The following MTMR7 variants were observed in gnomAD, a reference collection of about 807,000 sequenced individuals.
MTMR7 encodes myotubularin related protein 7.
MTMR7 carries 76 observed loss-of-function variants against 81.2 expected under a neutral mutation model. The ratio of observed to expected loss-of-function variants is 0.94; its 90% confidence interval spans 0.78 to 1.13. The LOEUF is 1.13. MTMR7 is among the 50% of genes most tolerant of loss of function. The probability of loss-of-function intolerance (pLI) is 0.00; values close to 1 mark genes in which losing one functional copy is unlikely to be tolerated. For missense variants in MTMR7, 1,044 were observed against 820.0 expected (o/e 1.27, Z -3.34); for synonymous variants, 372 against 289.8 (o/e 1.28, Z -2.88).
chr8:17,341,312 C>A (rs781590858), intron 6 of MTMR7, 51 bp downstream of exon 6: 1 of 1,605,958 alleles, frequency 6.2e-7, no homozygotes, highest in Admixed American at 1.7e-5. Flanking sequence ...TTGCCTGTCT[C>A]CAGTTTCACA....
At chr8:17,302,411 G>T in intron 12 of MTMR7, 131 bp from the exon 13 acceptor site, 5 of 978,488 alleles carry the variant, frequency 5.1e-6, no homozygotes, top group Non-Finnish European at 5.8e-6. Flanking sequence ...CCTCAAAAAA[G>T]CCACTACTTA....
At chr8:17,341,734 T>G (rs1819414105) in intron 5 of MTMR7, among the ~76,000 whole-genome samples, 1 of 152,186 alleles carries the variant, frequency 6.6e-6, no homozygotes, top group Non-Finnish European at 1.5e-5. Flanking sequence ...TGTGTAGAGA[T>G]GTTTAGATAG....
chr8:17,406,517 C>T (rs1337027116), intron 1 of MTMR7, among the ~76,000 whole-genome samples: 1 of 152,130 alleles, frequency 6.6e-6, no homozygotes, highest in Non-Finnish European at 1.5e-5. Context: ...AAAACTGGAA[C>T]CCTTACACAT....
chr8:17,333,939 CAA>C (rs1819139135), intron 6 of MTMR7, among the ~76,000 whole-genome samples: 1 of 152,000 alleles, frequency 6.6e-6, no homozygotes, highest in Non-Finnish European at 1.5e-5. Flanking sequence ...ACACAGTCTA[CAA>C]AAGTTAGAAT....
At chr8:17,378,792 A>T (rs1820669534) in intron 1 of MTMR7, among the ~76,000 whole-genome samples, 1 of 152,236 alleles carries the variant, frequency 6.6e-6, no homozygotes, top group Admixed American at 6.5e-5. Context: ...GTGTCATTTC[A>T]TTGGCAGTGC....
chr8:17,308,092 G>A (rs1817578194), intron 10 of MTMR7, among the ~76,000 whole-genome samples: 1 of 151,874 alleles, frequency 6.6e-6, no homozygotes, highest in Non-Finnish European at 1.5e-5. Context: ...ATTGCATTAT[G>A]GGAGACTGAT....
In MTMR7 at chr8:17,354,437, G is replaced by T. The variant is rs553690679; in HGVS notation, c.469-5356C>A. Among the ~76,000 whole-genome samples, 66 of 152,146 alleles carry T rather than the reference G, an allele frequency of 4.3e-4. 1 individual carries two copies. The highest frequency in any genetic ancestry group is 1.4e-3 in the African/African-American group (59 of 41,486). Reference sequence around the variant, plus strand: ...TTTATTTAAATAAAGACAATTTCAAGGGTTAGGTAAAAAAAGAAATCTGAG... The same window carrying T: ...TTTATTTAAATAAAGACAATTTCAATGGTTAGGTAAAAAAAGAAATCTGAG... On this transcript the variant is annotated intron_variant, in intron 4 of 13. Coordinates refer to ENST00000180173, the MANE Select transcript of MTMR7 (RefSeq NM_004686.5).
At chr8:17,408,395 CAAAAAAAA>C (rs530240881) in intron 1 of MTMR7, among the ~76,000 whole-genome samples, 1 of 23,486 alleles carries the variant, frequency 4.3e-5, no homozygotes, top group Non-Finnish European at 1.1e-4. Flanking sequence ...GACTCCGTCT[CAAAAAAAA>C]AAAAAAAAAA....
intron 4 of MTMR7, among the ~76,000 whole-genome samples, chr8:17,354,516 A>G (rs576270672): frequency 6.6e-6 from 1 of 152,336 alleles, no homozygotes; most frequent in East Asian, 1.9e-4. Flanking sequence ...GATGGTGGTA[A>G]GATGATACAG....
chr8:17,344,121 C>T (rs775444528), intron 5 of MTMR7, among the ~76,000 whole-genome samples: 26 of 152,018 alleles, frequency 1.7e-4, no homozygotes, highest in Non-Finnish European at 3.2e-4. Context: ...TACAATAAGA[C>T]CTATTATTGG....
chr8:17,313,651 G>A (rs1817908982), intron 7 of MTMR7, among the ~76,000 whole-genome samples: 1 of 152,172 alleles, frequency 6.6e-6, no homozygotes, highest in Non-Finnish European at 1.5e-5. Flanking sequence ...ATATATGTAA[G>A]GTTGAAATCC....
rs1820929350 is a variant in MTMR7 at position 17,386,041 on chromosome 8, T to C, written c.25-12801A>G. Among the ~76,000 whole-genome samples, 7 of 152,148 alleles carry C rather than the reference T, an allele frequency of 4.6e-5. No individual in the cohort carries two copies. The South Asian group carries it at 1.5e-3, about 32-fold the overall frequency. On this transcript the variant is annotated intron_variant, in intron 1 of 13. Transcript: ENST00000180173. ...AATTTAATTAATTAAATCTGCTAAA[T>C]TGTGGAGTGCCTGCTCTGTGCCAGG...
intron 5 of MTMR7, among the ~76,000 whole-genome samples, chr8:17,346,354 A>G (rs1230804471): frequency 2.0e-5 from 3 of 152,104 alleles, no homozygotes; most frequent in Non-Finnish European, 4.4e-5. Context: ...TTCGAGACAC[A>G]TCTCTGTTCT....
At chr8:17,383,081 C>T (rs1166756062) in intron 1 of MTMR7, among the ~76,000 whole-genome samples, 1 of 151,706 alleles carries the variant, frequency 6.6e-6, no homozygotes, top group Non-Finnish European at 1.5e-5. Flanking sequence ...ACATCCACCA[C>T]CTGGGGGGTG....
At chr8:17,406,689 T>C (rs1486588025) in intron 1 of MTMR7, among the ~76,000 whole-genome samples, 2 of 152,142 alleles carry the variant, frequency 1.3e-5, no homozygotes, top group African/African-American at 2.4e-5. Flanking sequence ...CAAAAACTTA[T>C]CACCGAAGTT....
chr8:17,311,066 A>G (rs544704973), intron 9 of MTMR7, among the ~76,000 whole-genome samples: 3 of 152,178 alleles, frequency 2.0e-5, no homozygotes, highest in Non-Finnish European at 4.4e-5. Flanking sequence ...GGACTACTTA[A>G]AAAACATACC....
At chr8:17,389,778 C>T (rs1227247284) in intron 1 of MTMR7, among the ~76,000 whole-genome samples, 1 of 152,018 alleles carries the variant, frequency 6.6e-6, no homozygotes, top group Non-Finnish European at 1.5e-5. Context: ...AACAAAACTT[C>T]ATCTGCAAAT....
intron 7 of MTMR7, among the ~76,000 whole-genome samples, chr8:17,316,146 G>A (rs1186253944): frequency 1.3e-5 from 2 of 152,172 alleles, no homozygotes; most frequent in African/African-American, 4.8e-5. Context: ...GGCTTGGGCA[G>A]ATTACTTAGC....
At position 17,305,908 on chromosome 8, in the gene MTMR7, G is replaced by A. The variant is rs1369205171; in HGVS notation, c.1201C>T (p.Gln401Ter). 2 of 1,613,538 alleles carry A rather than the reference G, an allele frequency of 1.2e-6. No homozygotes were observed. The change falls in exon 11 of 14, where the codon CAG becomes TAG. Residue 401 changes from glutamine (Q) to a stop codon, truncating the protein, a stop_gained. Coordinates refer to ENST00000180173, the MANE Select transcript of MTMR7 (RefSeq NM_004686.5). LOFTEE classifies it high-confidence loss of function. ...DPKEISPVID[Q>*]FIECVWQLME... The stretch of plus-strand genomic sequence containing the variant: ...AACTGCCAAACACACTCAATGAACT[G>A]GTCAATAACTGGAGAGATTTCTTTT...
Sources: allele counts gnomAD v4.1 joint callset (sites outside exome capture counted in the v4.1 genomes callset), GRCh38; gene constraint gnomAD v4.1.1; transcripts MANE v1.5; gene names NCBI Gene and HGNC (gene_info 2026-07-23, HGNC 2026-07-21).